Variants in MDH2 observed in about 807,000 individuals in gnomAD.
The protein encoded by MDH2 is malate dehydrogenase, mitochondrial.
In MDH2, 25 loss-of-function variants were observed where a neutral mutation model predicts 33.6. That is an observed-to-expected ratio of 0.74 (90% confidence interval 0.54 to 1.04). The LOEUF (loss-of-function observed/expected upper bound fraction) is 1.04, where lower values mean the gene tolerates loss of function less well. Ranked by LOEUF, MDH2 falls within the 50% of genes least tolerant of loss-of-function variation. The pLI is 0.00. For synonymous variants in MDH2, 193 were observed against 188.7 expected (o/e 1.02, Z -0.19); for missense variants, 432 against 445.0 (o/e 0.97, Z 0.26).
chr7:76,062,356 G>A (rs887215966), intron 5 of MDH2, among the ~76,000 whole-genome samples: 36 of 152,238 alleles, frequency 2.4e-4, no homozygotes, highest in Non-Finnish European at 5.0e-4. Context: ...AAGCAGGGCT[G>A]TGTCCCTTCA....
intron 1 of MDH2, among the ~76,000 whole-genome samples, chr7:76,049,951 C>G (rs1316284901): frequency 6.6e-6 from 1 of 152,162 alleles, no homozygotes; most frequent in African/African-American, 2.4e-5. Context: ...CCTGCCTCAG[C>G]CTCCCGAATA....
At chr7:76,055,560 A>AC (rs781872490) in intron 2 of MDH2, among the ~76,000 whole-genome samples, 42 of 151,750 alleles carry the variant, frequency 2.8e-4, no homozygotes, top group Non-Finnish European at 5.2e-4. Flanking sequence ...ACATGGCGAG[A>AC]CCCCTATCTC....
chr7:76,067,046 G>A lies in MDH2; in HGVS notation c.*636G>A, dbSNP rs1554588062. 1 of 152,228 alleles carries A rather than the reference G, an allele frequency of 6.6e-6. No homozygotes were observed. The highest frequency in any genetic ancestry group is 6.5e-5 in the Admixed American group (1 of 15,270). 9.4% of individuals were successfully genotyped at this position (152,228 alleles called of 1,614,324 possible). ...AGAACTGTGGGTAGACCAGGGTTGGGGTGTGCGGTTTGGGACAGCCCAAAC... is the reference window on the plus strand; with the variant it reads ...AGAACTGTGGGTAGACCAGGGTTGGAGTGTGCGGTTTGGGACAGCCCAAAC... On this transcript the variant is annotated 3_prime_UTR_variant, in exon 9 of 9. Transcript: ENST00000315758.
rs901290701 is a variant in MDH2 at position 76,054,917 on chromosome 7, C to T, written c.154C>T (p.Arg52Cys). 25 of 1,614,002 alleles carry T rather than the reference C, an allele frequency of 1.5e-5. No individual in the cohort carries two copies. The East Asian group carries it at 5.1e-4, about 33-fold the overall frequency. The change falls in exon 2 of 9, where the codon CGC becomes TGC. Residue 52 changes from arginine (R) to cysteine (C), a missense_variant. Physicochemically the swap from Arg to Cys is radical, Grantham distance 180. Coordinates refer to ENST00000315758, the MANE Select transcript of MDH2 (RefSeq NM_005918.4). ...LLLKNSPLVS[R>C]LTLYDIAHTP... is the part of the protein sequence containing the mutation. ...CCTGAAGAACAGCCCCTTGGTGAGC[C>T]GCCTGACCCTCTATGATATCGCGCA... is the stretch of plus-strand genomic sequence containing the variant.
intron 1 of MDH2, among the ~76,000 whole-genome samples, chr7:76,052,451 AG>A (rs1797654798): frequency 6.9e-6 from 1 of 144,448 alleles, no homozygotes; most frequent in African/African-American, 2.5e-5. Context: ...AAAAAAAAAA[AG>A]ATACACTCAT....
At chr7:76,060,283 G>A (rs1275847887) in intron 4 of MDH2, 90 bp from the exon 5 acceptor site, 2 of 1,523,076 alleles carry the variant, frequency 1.3e-6, no homozygotes, top group Non-Finnish European at 1.8e-6. Context: ...AGACCTTTGG[G>A]AAGGTCTGAC....
At chr7:76,057,004 C>G (rs567558056) in intron 2 of MDH2, among the ~76,000 whole-genome samples, 215 of 93,598 alleles carry the variant, frequency 2.3e-3, no homozygotes, top group African/African-American at 8.3e-3. Flanking sequence ...CAGAGCAAGA[C>G]TCCCTCTCAA....
chr7:76,058,455 G>C (rs1554586580), intron 4 of MDH2, among the ~76,000 whole-genome samples: 1 of 152,168 alleles, frequency 6.6e-6, no homozygotes, highest in African/African-American at 2.4e-5. Flanking sequence ...GGAAAAGTAT[G>C]TTCCAAGAGC....
intron 5 of MDH2, among the ~76,000 whole-genome samples, chr7:76,062,230 C>T (rs1431801740): frequency 6.6e-6 from 1 of 152,246 alleles, no homozygotes; most frequent in Non-Finnish European, 1.5e-5. Context: ...GCTCCAGGAC[C>T]TCCCAGGCCA....
chr7:76,065,830 CTG>C (rs1329130630), intron 8 of MDH2, among the ~76,000 whole-genome samples: 2 of 152,216 alleles, frequency 1.3e-5, no homozygotes, highest in African/African-American at 2.4e-5. Context: ...ATTCAGGTGA[CTG>C]TGACAATGTT....
In MDH2 at chr7:76,054,940, G is replaced by A. The variant is rs148797426; in HGVS notation, c.177G>A (p.Ala59=). 2.5e-4 allele frequency: 407 copies of A among 1,613,992 alleles called. 1 individual carries two copies. In the African/African-American group the frequency reaches 3.0e-3, roughly 12 times the overall value. ...LVSRLTLYDI[A]HTPGVAADLS... Reference sequence around the variant, plus strand: ...GCCGCCTGACCCTCTATGATATCGCGCACACACCCGGAGTGGCCGCAGATC... The same window carrying A: ...GCCGCCTGACCCTCTATGATATCGCACACACACCCGGAGTGGCCGCAGATC... Residue 59 remains alanine (A), a synonymous_variant, in exon 2 of 9, where the codon GCG becomes GCA. Transcript: ENST00000315758.
At chr7:76,048,596 G>C in intron 1 of MDH2, 1 of 1,301,404 alleles carries the variant, frequency 7.7e-7, no homozygotes, top group Non-Finnish European at 9.7e-7. Context: ...CTTTGACGTA[G>C]CTAATCTCCT....
rs782253214 is a variant in MDH2 at position 76,066,376 on chromosome 7, A to G, written c.983A>G (p.Lys328Arg). ...ATCCCCGAGCTGAAGGCCTCCATCAAGAAGGGGGAAGATTTCGTGAAGACC... is the reference window on the plus strand; with the variant it reads ...ATCCCCGAGCTGAAGGCCTCCATCAGGAAGGGGGAAGATTTCGTGAAGACC... Reference protein sequence around the residue: ...DAIPELKASIKKGEDFVKTLK With the variant: ...DAIPELKASIRKGEDFVKTLK The change falls in exon 9 of 9, where the codon AAG (lysine) becomes AGG (arginine). Residue 328 changes from lysine (K) to arginine (R), a missense_variant. Transcript: ENST00000315758. 1.1e-5 allele frequency: 17 copies of G among 1,611,822 alleles called. No individual in the cohort carries two copies. The South Asian group carries it at 1.4e-4, about 14-fold the overall frequency.
chr7:76,048,480 C>A, intron 1 of MDH2: 1 of 1,254,876 alleles, frequency 8.0e-7, no homozygotes, highest in Non-Finnish European at 1.0e-6. Context: ...CCAGGTCTCC[C>A]AGATTTCCCA....
chr7:76,066,041 A>G (rs1445358158), intron 8 of MDH2, among the ~76,000 whole-genome samples: 9 of 152,052 alleles, frequency 5.9e-5, no homozygotes, highest in South Asian at 2.1e-4. Flanking sequence ...TGTCCAGGGT[A>G]CCTGCCTAGA....
chr7:76,051,632 C>CT (rs1797629934), intron 1 of MDH2, among the ~76,000 whole-genome samples: 1 of 152,146 alleles, frequency 6.6e-6, no homozygotes, highest in African/African-American at 2.4e-5. Flanking sequence ...GATCCTGTAT[C>CT]TTTAACAGTA....
chr7:76,048,129 G>C lies in MDH2; in HGVS notation c.-32G>C, dbSNP rs1554584402. ...TCACTTCCCCGTCACCAGCTCCTGT[G>C]CCTGCCAGTCGGTGCCCCTCCCGCT... is the stretch of plus-strand genomic sequence containing the variant. On this transcript the variant is annotated 5_prime_UTR_variant, in exon 1 of 9. Transcript: ENST00000315758. 6.5e-7 allele frequency: 1 copy of C among 1,536,078 alleles called. No homozygotes were observed. The highest frequency in any genetic ancestry group is 8.7e-7 in the Non-Finnish European group (1 of 1,146,298).
chr7:76,052,044 CAAAG>C (rs1222819946), intron 1 of MDH2, among the ~76,000 whole-genome samples: 1 of 152,186 alleles, frequency 6.6e-6, no homozygotes, highest in Non-Finnish European at 1.5e-5. Flanking sequence ...AAAGTGAAAG[CAAAG>C]AAACCAGTGA....
intron 1 of MDH2, among the ~76,000 whole-genome samples, chr7:76,050,245 G>A (rs1398600615): frequency 6.6e-6 from 1 of 152,216 alleles, no homozygotes; most frequent in Non-Finnish European, 1.5e-5. Flanking sequence ...GGCCAGGCTG[G>A]TCTCAAACTC....
Sources: allele counts gnomAD v4.1 joint callset (sites outside exome capture counted in the v4.1 genomes callset), GRCh38; gene constraint gnomAD v4.1.1; transcripts MANE v1.5; gene names NCBI Gene and HGNC (gene_info 2026-07-23, HGNC 2026-07-21).